The following KCNB2 variants were observed in gnomAD, a reference collection of about 807,000 sequenced individuals.
KCNB2 encodes delayed rectifier potassium channel protein.
KCNB2 carries 15 observed loss-of-function variants against 61.5 expected under a neutral mutation model. That is an observed-to-expected ratio of 0.24 (90% CI 0.16 to 0.38). The LOEUF is 0.38. Among genes scored for constraint, KCNB2 ranks in the 10% least tolerant of loss-of-function variants. The pLI is 1.00. For synonymous variants in KCNB2, 457 were observed against 446.0 expected, an observed-to-expected ratio of 1.02 and a Z score of -0.31; for missense variants, 828 against 1,125.2, an observed-to-expected ratio of 0.74 and a Z score of 3.78.
At chr8:72,628,099 G>C (rs1458375751) in intron 2 of KCNB2, among the ~76,000 whole-genome samples, 1 of 152,060 alleles carries the variant, frequency 6.6e-6, no homozygotes. Flanking sequence ...GACTACAGGT[G>C]TGTGTCACCA....
chr8:72,682,903 A>G (rs1392766359), intron 2 of KCNB2, among the ~76,000 whole-genome samples: 1 of 152,186 alleles, frequency 6.6e-6, no homozygotes, highest in Non-Finnish European at 1.5e-5. Flanking sequence ...CACCATGCTT[A>G]GCCTAAGGTT....
At chr8:72,871,401 A>G (rs1805612728) in intron 2 of KCNB2, among the ~76,000 whole-genome samples, 1 of 152,230 alleles carries the variant, frequency 6.6e-6, no homozygotes, top group Non-Finnish European at 1.5e-5. Flanking sequence ...TGTGAAAAGC[A>G]TTATAAAGAC....
intron 2 of KCNB2, among the ~76,000 whole-genome samples, chr8:72,801,334 A>G (rs529691277): frequency 2.0e-5 from 3 of 152,286 alleles, no homozygotes; most frequent in African/African-American, 7.2e-5. Flanking sequence ...TTAATTCTGT[A>G]AAAAGAATAG....
At chr8:72,929,618 A>G (rs1467972766) in intron 2 of KCNB2, among the ~76,000 whole-genome samples, 3 of 152,146 alleles carry the variant, frequency 2.0e-5, no homozygotes, top group Non-Finnish European at 2.9e-5. Flanking sequence ...GGTTTGGTTG[A>G]CAGACATGAC....
intron 2 of KCNB2, among the ~76,000 whole-genome samples, chr8:72,783,536 A>T (rs1297144699): frequency 6.6e-6 from 1 of 152,000 alleles, no homozygotes; most frequent in Non-Finnish European, 1.5e-5. Context: ...GTACAATTCA[A>T]TGTCACCTTG....
chr8:72,577,110 C>G (rs1347341808), intron 2 of KCNB2, among the ~76,000 whole-genome samples: 1 of 152,176 alleles, frequency 6.6e-6, no homozygotes, highest in East Asian at 1.9e-4. Context: ...CCACTTAAAT[C>G]ATCTCCTTTA....
At chr8:72,924,929 G>A (rs1259080883) in intron 2 of KCNB2, among the ~76,000 whole-genome samples, 4 of 152,198 alleles carry the variant, frequency 2.6e-5, no homozygotes, top group African/African-American at 9.6e-5. Context: ...GCTCTCTGCA[G>A]TCACGGCTGG....
intron 2 of KCNB2, among the ~76,000 whole-genome samples, chr8:72,657,974 C>T (rs1211098012): frequency 6.6e-6 from 1 of 152,164 alleles, no homozygotes; most frequent in Non-Finnish European, 1.5e-5. Flanking sequence ...CTGTCTCCTT[C>T]TCCATGGACT....
At chr8:72,842,622 G>C (rs1039467963) in intron 2 of KCNB2, among the ~76,000 whole-genome samples, 1 of 152,122 alleles carries the variant, frequency 6.6e-6, no homozygotes, top group African/African-American at 2.4e-5. Flanking sequence ...GCATGTTATT[G>C]GTCTATTCAA....
At chr8:72,763,584 A>G (rs1808419623) in intron 2 of KCNB2, among the ~76,000 whole-genome samples, 1 of 152,182 alleles carries the variant, frequency 6.6e-6, no homozygotes, top group Non-Finnish European at 1.5e-5. Context: ...GGTTGTGATT[A>G]TTTAAAACCC....
At chr8:72,734,831 CA>C (rs1807812394) in intron 2 of KCNB2, among the ~76,000 whole-genome samples, 1 of 152,192 alleles carries the variant, frequency 6.6e-6, no homozygotes, top group Admixed American at 6.5e-5. Flanking sequence ...TCAGCCATTT[CA>C]GAAAACTCTG....
intron 2 of KCNB2, among the ~76,000 whole-genome samples, chr8:72,924,790 G>T (rs979555984): frequency 2.6e-5 from 4 of 152,134 alleles, no homozygotes; most frequent in African/African-American, 9.7e-5. Context: ...TGTCTGTGAT[G>T]CTTAGCTTCA....
intron 1 of KCNB2, among the ~76,000 whole-genome samples, chr8:72,561,719 A>ATATC (rs1563523366): frequency 4.1e-5 from 1 of 24,114 alleles, no homozygotes; most frequent in Non-Finnish European, 6.2e-5. Context: ...ATATATATAT[A>ATATC]TATATATATC....
At chr8:72,821,885 C>A (rs569263737) in intron 2 of KCNB2, among the ~76,000 whole-genome samples, 1 of 152,104 alleles carries the variant, frequency 6.6e-6, no homozygotes, top group Non-Finnish European at 1.5e-5. Context: ...GTCATCCTTT[C>A]TTCCTGCCTC....
At chr8:72,825,516 G>A (rs758627448) in intron 2 of KCNB2, among the ~76,000 whole-genome samples, 29 of 152,182 alleles carry the variant, frequency 1.9e-4, no homozygotes, top group Non-Finnish European at 4.1e-4. Flanking sequence ...CACCCCAGTA[G>A]TACACAGGGC....
At chr8:72,639,545 A>G (rs1380390771) in intron 2 of KCNB2, among the ~76,000 whole-genome samples, 1 of 152,020 alleles carries the variant, frequency 6.6e-6, no homozygotes. Flanking sequence ...TCACCCAGAT[A>G]CTCTGCTGAA....
intron 2 of KCNB2, among the ~76,000 whole-genome samples, chr8:72,670,665 A>C (rs1806548902): frequency 6.6e-6 from 1 of 152,176 alleles, no homozygotes. Flanking sequence ...TGTCTGTAGA[A>C]ATAAGTACAA....
At chr8:72,751,427 A>T (rs1808185940) in intron 2 of KCNB2, 1 of 152,204 alleles carries the variant, frequency 6.6e-6, no homozygotes, top group African/African-American at 2.4e-5. Context: ...CATAGCTAAA[A>T]GTGATAGAGC....
At chr8:72,759,595 A>C (rs940297085) in intron 2 of KCNB2, among the ~76,000 whole-genome samples, 2 of 152,128 alleles carry the variant, frequency 1.3e-5, no homozygotes, top group African/African-American at 4.8e-5. Flanking sequence ...AAACTGCAAC[A>C]TGGCAGATCC....
Sources: gnomAD v4.1 joint callset for allele counts (sites outside exome capture counted in the v4.1 genomes callset) on GRCh38, gnomAD v4.1.1 for gene constraint, MANE v1.5 for transcripts, NCBI Gene and HGNC (gene_info 2026-07-23, HGNC 2026-07-21) for gene names.